The following ALK variants were observed in gnomAD, a reference collection of about 807,000 sequenced individuals.
ALK encodes ALK tyrosine kinase receptor.
In ALK, 74 loss-of-function variants were observed where a neutral mutation model predicts 163.1. That is an observed-to-expected ratio of 0.45 (90% CI 0.38 to 0.55). The LOEUF (loss-of-function observed/expected upper bound fraction) is 0.55, where lower values mean the gene tolerates loss of function less well. Ranked by LOEUF, ALK falls within the 20% of genes least tolerant of loss-of-function variation. The probability of loss-of-function intolerance (pLI) is 0.00; values close to 1 mark genes in which losing one functional copy is unlikely to be tolerated. For missense variants in ALK, 2,063 were observed against 2,105.3 expected, an observed-to-expected ratio of 0.98 and a Z score of 0.39; for synonymous variants, 960 against 843.2, an observed-to-expected ratio of 1.14 and a Z score of -2.40.
intron 1 of ALK, among the ~76,000 whole-genome samples, chr2:29,797,808 T>A (rs1461724374): frequency 6.6e-6 from 1 of 151,770 alleles, no homozygotes; most frequent in Non-Finnish European, 1.5e-5. Flanking sequence ...AGCAGATAAA[T>A]AGGATTTTTT....
chr2:29,769,585 C>T (rs1680960218), intron 1 of ALK, among the ~76,000 whole-genome samples: 2 of 152,168 alleles, frequency 1.3e-5, no homozygotes, highest in Admixed American at 6.5e-5. Flanking sequence ...AGGGTAGTCA[C>T]ACTTCAGCAC....
In ALK at chr2:29,920,021, G is replaced by A. The variant is rs1667945398; in HGVS notation, c.639C>T (p.Pro213=). ...RLSAAIRASQ[P]RLLFQIFGTG... ...TCCCGAAGATCTGGAAGAGAAGGCG[G>A]GGCTGGGAGGCGCGAATTGCCGCGG... The change falls in exon 1 of 29, where the codon CCC becomes CCT. Residue 213 remains proline, a synonymous_variant. Transcript: ENST00000389048. 1.2e-6 allele frequency: 2 copies of A among 1,614,144 alleles called. No individual in the cohort carries two copies. Among genetic ancestry groups the A allele is most frequent in the Non-Finnish European group, 1.7e-6 (2 of 1,180,030 alleles).
chr2:29,466,493 A>C lies in ALK; in HGVS notation c.1154+65422T>G, dbSNP rs144610195. Among the ~76,000 whole-genome samples the C allele has an allele frequency of 1.2e-3, 181 of 152,344 alleles. 1 individual carries two copies. The highest frequency in any genetic ancestry group is 3.8e-3 in the African/African-American group (160 of 41,582). On this transcript the variant is annotated intron_variant, in intron 4 of 28. Coordinates refer to ENST00000389048, the MANE Select transcript of ALK (RefSeq NM_004304.5). The stretch of plus-strand genomic sequence containing the variant: ...ACATGGAAATCTATTCTAAAATGTC[A>C]TTATGTTTTTTAATCAATCAATATT...
At chr2:29,788,739 G>A (rs1014713106) in intron 1 of ALK, among the ~76,000 whole-genome samples, 5 of 152,168 alleles carry the variant, frequency 3.3e-5, no homozygotes, top group Non-Finnish European at 7.3e-5. Context: ...CAGGGTCAAA[G>A]GACTTCAGCT....
chr2:29,748,142 T>C (rs552607176), intron 1 of ALK, among the ~76,000 whole-genome samples: 1 of 152,140 alleles, frequency 6.6e-6, no homozygotes, highest in Non-Finnish European at 1.5e-5. Flanking sequence ...GAGATCCACA[T>C]GGTGCCTTTG....
intron 1 of ALK, among the ~76,000 whole-genome samples, chr2:29,838,888 A>G (rs1393763455): frequency 6.7e-6 from 1 of 150,334 alleles, no homozygotes; most frequent in Non-Finnish European, 1.5e-5. Context: ...GACACAAAAG[A>G]TAAGTGTTTT....
At chr2:29,347,749 C>T (rs1447398714) in intron 5 of ALK, among the ~76,000 whole-genome samples, 4 of 152,114 alleles carry the variant, frequency 2.6e-5, no homozygotes, top group Non-Finnish European at 2.9e-5. Context: ...AAGCAGCTGC[C>T]GATCTAGCTC....
intron 1 of ALK, among the ~76,000 whole-genome samples, chr2:29,843,885 C>A (rs1029899273): frequency 6.6e-6 from 1 of 152,150 alleles, no homozygotes; most frequent in Non-Finnish European, 1.5e-5. Flanking sequence ...TTATTAGGCA[C>A]CAAAGATCCA....
chr2:29,300,554 C>CA (rs10715550), intron 8 of ALK, among the ~76,000 whole-genome samples: 1,992 of 95,476 alleles, frequency 0.021, 69 homozygotes, highest in East Asian at 0.076. Flanking sequence ...GACTCTGTCT[C>CA]AAAAAAAAAA....
intron 1 of ALK, among the ~76,000 whole-genome samples, chr2:29,766,482 C>T (rs913085452): frequency 1.3e-5 from 2 of 152,188 alleles, no homozygotes; most frequent in African/African-American, 4.8e-5. Flanking sequence ...AAACCTCCTT[C>T]TCTTCCCCAC....
At chr2:29,296,722 A>AGTGTGTGTGTGTGT (rs3054024) in intron 9 of ALK, among the ~76,000 whole-genome samples, 166 bp downstream of exon 9, 30 of 150,490 alleles carry the variant, frequency 2.0e-4, no homozygotes, top group African/African-American at 7.0e-4. Context: ...TAACCTGCAG[A>AGTGTGTGTGTGTGT]GTGTGTGTGT....
chr2:29,914,787 T>C (rs1048740844), intron 1 of ALK, among the ~76,000 whole-genome samples: 2 of 152,242 alleles, frequency 1.3e-5, no homozygotes, highest in African/African-American at 4.8e-5. Context: ...TATTGACATG[T>C]CTTGCTCTTT....
rs182047647 is a variant in ALK at position 29,518,445 on chromosome 2, A to T, written c.1154+13470T>A. ...CTTTGCCTGCAAGAAAAACTTGAGG[A>T]TTCTCCATTCAGAAAAAAGAATCAA... On this transcript the variant is annotated intron_variant, in intron 4 of 28. Coordinates refer to ENST00000389048, the MANE Select transcript of ALK (RefSeq NM_004304.5). 2.9e-3 allele frequency among the ~76,000 whole-genome samples: 438 copies of T among 152,320 alleles called. 3 individuals carry two copies. Among genetic ancestry groups the T allele is most frequent in the African/African-American group, 0.01 (420 of 41,562 alleles).
chr2:29,658,308 C>T (rs994399119), intron 3 of ALK, among the ~76,000 whole-genome samples: 2 of 152,164 alleles, frequency 1.3e-5, no homozygotes, highest in African/African-American at 2.4e-5. Context: ...CAGCTTGGAG[C>T]TATGGTAAGG....
At chr2:29,908,273 C>A (rs1389967347) in intron 1 of ALK, among the ~76,000 whole-genome samples, 1 of 110,160 alleles carries the variant, frequency 9.1e-6, no homozygotes, top group Non-Finnish European at 1.9e-5. Flanking sequence ...TGGTTCTACT[C>A]TCCAGAGCAC....
In ALK at chr2:29,879,299, T is replaced by C. The variant is rs533225458; in HGVS notation, c.667+40694A>G. 1.6e-4 allele frequency among the ~76,000 whole-genome samples: 24 copies of C among 152,362 alleles called. 1 individual carries two copies. In the South Asian group the frequency reaches 4.1e-3, roughly 26 times the overall value. On this transcript the variant is annotated intron_variant, in intron 1 of 28. Coordinates refer to ENST00000389048, the MANE Select transcript of ALK (RefSeq NM_004304.5). Reference sequence around the variant, plus strand: ...AACAGCTTACAAGGAAATACTCTTATTTTAAACCAAAGTGCTTGTGGTTGA... The same window carrying C: ...AACAGCTTACAAGGAAATACTCTTACTTTAAACCAAAGTGCTTGTGGTTGA...
intron 4 of ALK, among the ~76,000 whole-genome samples, chr2:29,468,742 C>T (rs1671273851): frequency 6.6e-6 from 1 of 150,530 alleles, no homozygotes; most frequent in African/African-American, 2.4e-5. Flanking sequence ...TGGTCCCAGC[C>T]ACTCAGGAGG....
chr2:29,893,016 A>G (rs865973725), intron 1 of ALK, among the ~76,000 whole-genome samples: 8 of 152,196 alleles, frequency 5.3e-5, no homozygotes, highest in African/African-American at 9.7e-5. Context: ...ATTAGGGCAC[A>G]GTACTGCCTT....
rs142277825 is a variant in ALK at position 29,676,859 on chromosome 2, A to AT, written c.952+17990dup. Among the ~76,000 whole-genome samples the AT allele has an allele frequency of 4.1e-3, 620 of 151,666 alleles. 1 individual carries two copies. The highest frequency in any genetic ancestry group is 0.017 in the Middle Eastern group (5 of 294). ...ATGCAGCTTGCACTTGTTTTGTTAA[A>AT]TTTTTTTCTAATTATTTTCTCTTTT... is the stretch of plus-strand genomic sequence containing the variant. On this transcript the variant is annotated intron_variant, in intron 3 of 28. Transcript: ENST00000389048.
Sources: gnomAD v4.1 joint callset for allele counts (sites outside exome capture counted in the v4.1 genomes callset) on GRCh38, gnomAD v4.1.1 for gene constraint, MANE v1.5 for transcripts, NCBI Gene and HGNC (gene_info 2026-07-23, HGNC 2026-07-21) for gene names.